Variants in FAM81A observed in about 807,000 individuals in gnomAD.
FAM81A encodes family with sequence similarity 81 member A.
Under a neutral mutation model 46.7 loss-of-function variants are expected in FAM81A, and 19 were observed. The observed-to-expected ratio is 0.41, with a 90% CI of 0.28 to 0.60. FAM81A has a LOEUF of 0.60. FAM81A is among the 20% of genes least tolerant of loss of function. FAM81A has a pLI of 0.34. For synonymous variants in FAM81A, 183 were observed against 152.9 expected, an observed-to-expected ratio of 1.20 and a Z score of -1.45; for missense variants, 377 against 453.5, an observed-to-expected ratio of 0.83 and a Z score of 1.53.
At chr15:59,413,450 AC>A (rs2141541806) in intron 2 of FAM81A, among the ~76,000 whole-genome samples, 1 of 151,140 alleles carries the variant, frequency 6.6e-6, no homozygotes, top group African/African-American at 2.5e-5. Context: ...ACACACACAC[AC>A]ACACACACAC....
intron 3 of FAM81A, among the ~76,000 whole-genome samples, chr15:59,468,612 A>G (rs1398412819): frequency 1.3e-5 from 2 of 148,972 alleles, no homozygotes; most frequent in Admixed American, 1.3e-4. Context: ...CTTCTTTATT[A>G]GTCTTGCTAG....
At chr15:59,488,568 A>G (rs2081946767) in intron 3 of FAM81A, among the ~76,000 whole-genome samples, 1 of 152,284 alleles carries the variant, frequency 6.6e-6, no homozygotes, top group Non-Finnish European at 1.5e-5. Context: ...CAAATTCAAT[A>G]AAATTTCAGG....
intron 2 of FAM81A, among the ~76,000 whole-genome samples, chr15:59,406,038 G>A (rs2140467032): frequency 6.6e-6 from 1 of 152,258 alleles, no homozygotes; most frequent in African/African-American, 2.4e-5. Context: ...AGAAAGAGGT[G>A]GCTGTCAATG....
At chr15:59,456,663 C>T (rs988916306) in intron 1 of FAM81A, among the ~76,000 whole-genome samples, 1 of 152,196 alleles carries the variant, frequency 6.6e-6, no homozygotes, top group African/African-American at 2.4e-5. Context: ...GTAGCCTCAG[C>T]CTCCCTGGGC....
chr15:59,401,097 A>G (rs936440646), intron 1 of FAM81A: 2 of 575,156 alleles, frequency 3.5e-6, no homozygotes, highest in Admixed American at 3.1e-5. Context: ...AATGTTTGCA[A>G]TTTAATAAAT....
intron 3 of FAM81A, among the ~76,000 whole-genome samples, chr15:59,462,940 A>G (rs751289204): frequency 3.3e-5 from 5 of 152,192 alleles, no homozygotes; most frequent in Admixed American, 3.3e-4. Context: ...GTGATCTACA[A>G]ATATTTTCTC....
chr15:59,426,568 C>T (rs936120904), intron 2 of FAM81A, among the ~76,000 whole-genome samples: 6 of 152,194 alleles, frequency 3.9e-5, no homozygotes, highest in South Asian at 2.1e-4. Context: ...ACCGAGATTG[C>T]GCCACTGTAC....
intron 8 of FAM81A, among the ~76,000 whole-genome samples, chr15:59,520,686 T>A (rs1242870656): frequency 4.0e-5 from 6 of 151,038 alleles, no homozygotes; most frequent in African/African-American, 1.2e-4. Flanking sequence ...TGCCTCAGCC[T>A]CCCGAGTAGC....
chr15:59,413,623 C>A (rs2141542072), intron 2 of FAM81A, among the ~76,000 whole-genome samples: 1 of 152,230 alleles, frequency 6.6e-6, no homozygotes, highest in Middle Eastern at 3.4e-3. Flanking sequence ...TTGTAGCATG[C>A]AAGAGCTCTT....
chr15:59,520,810 C>T (rs1337811526), intron 8 of FAM81A, among the ~76,000 whole-genome samples: 27 of 152,290 alleles, frequency 1.8e-4, no homozygotes, highest in Admixed American at 9.1e-4. Context: ...GTGATCCATC[C>T]GCCTTGGCCT....
In FAM81A at chr15:59,516,688, C is replaced by T; in HGVS notation, c.830C>T (p.Ser277Leu). 6.2e-7 allele frequency: 1 copy of T among 1,613,462 alleles called. No homozygotes were observed. Among genetic ancestry groups the T allele is most frequent in the South Asian group, 1.1e-5 (1 of 90,996 alleles). ...ATGGAGAAGAAGCTCAGCCAGATGTCAGCCAGGCTTGACAAAATAGAAGAG... is the reference window on the plus strand; with the variant it reads ...ATGGAGAAGAAGCTCAGCCAGATGTTAGCCAGGCTTGACAAAATAGAAGAG... ...RDMEKKLSQM[S>L]ARLDKIEEGQ... The change falls in exon 8 of 9, where the codon TCA (serine) becomes TTA (leucine). Residue 277 changes from serine (S) to leucine (L), a missense_variant. Transcript: ENST00000288228.
At chr15:59,467,619 G>A (rs2081630535) in intron 3 of FAM81A, among the ~76,000 whole-genome samples, 1 of 152,158 alleles carries the variant, frequency 6.6e-6, no homozygotes, top group East Asian at 1.9e-4. Flanking sequence ...CTGAGATGAT[G>A]GGGTTTTCTA....
chr15:59,520,208 GC>G (rs1404114925), intron 8 of FAM81A, among the ~76,000 whole-genome samples: 1 of 151,788 alleles, frequency 6.6e-6, no homozygotes, highest in African/African-American at 2.4e-5. Flanking sequence ...GGATACCCCT[GC>G]CCTATACTGT....
At chr15:59,492,420 A>G in intron 4 of FAM81A, 31 bp downstream of exon 4, 1 of 1,549,402 alleles carries the variant, frequency 6.5e-7, no homozygotes, top group African/African-American at 1.4e-5. Flanking sequence ...GTCTCTGCTC[A>G]TCAAAAACCA....
At chr15:59,471,830 A>G (rs1201840483) in intron 3 of FAM81A, among the ~76,000 whole-genome samples, 1 of 152,102 alleles carries the variant, frequency 6.6e-6, no homozygotes, top group Non-Finnish European at 1.5e-5. Flanking sequence ...AGATTCTCAC[A>G]TGTTTACTAA....
intron 3 of FAM81A, among the ~76,000 whole-genome samples, chr15:59,466,875 G>A (rs974645677): frequency 8.5e-5 from 13 of 152,160 alleles, no homozygotes; most frequent in African/African-American, 2.6e-4. Context: ...TCTTGAATTA[G>A]TTTTTGTATA....
At chr15:59,437,173 G>A (rs1405778811), upstream of FAM81A, among the ~76,000 whole-genome samples, 1 of 152,138 alleles carries the variant, frequency 6.6e-6, no homozygotes, top group Non-Finnish European at 1.5e-5. Flanking sequence ...AATGCTGCCG[G>A]AGAGAGAATT....
At chr15:59,434,271 A>C (rs1342944313), upstream of FAM81A, among the ~76,000 whole-genome samples, 2 of 152,240 alleles carry the variant, frequency 1.3e-5, no homozygotes, top group Non-Finnish European at 2.9e-5. Context: ...CTGCAGCCCT[A>C]CAACTGTATA....
intron 3 of FAM81A, among the ~76,000 whole-genome samples, chr15:59,487,024 CCTTAT>C (rs546403407): frequency 2.2e-3 from 340 of 151,692 alleles, no homozygotes; most frequent in Non-Finnish European, 3.8e-3. Context: ...GTAAACTATT[CCTTAT>C]CTTAAATAGA....
Sources: allele counts gnomAD v4.1 joint callset (sites outside exome capture counted in the v4.1 genomes callset), GRCh38; gene constraint gnomAD v4.1.1; transcripts MANE v1.5; gene names NCBI Gene and HGNC (gene_info 2026-07-23, HGNC 2026-07-21).